FUBP3: variants seen among roughly 807,000 people sequenced by gnomAD.
FUBP3 encodes far upstream element-binding protein 3.
In FUBP3, 28 loss-of-function variants were observed where a neutral mutation model predicts 85.6. The ratio of observed to expected loss-of-function variants is 0.33; its 90% CI spans 0.24 to 0.45. The LOEUF (loss-of-function observed/expected upper bound fraction) is 0.45, where lower values mean the gene tolerates loss of function less well. FUBP3 is among the 20% of genes least tolerant of loss of function. The pLI, the probability that FUBP3 is intolerant of heterozygous loss-of-function variation, is 1.00. For missense variants in FUBP3, 583 were observed against 755.1 expected, an observed-to-expected ratio of 0.77 and a Z score of 2.67; for synonymous variants, 271 against 271.4, an observed-to-expected ratio of 1.00 and a Z score of 0.01.
chr9:130,634,102 C>T (rs543499114), intron 16 of FUBP3, among the ~76,000 whole-genome samples: 1 of 152,346 alleles, frequency 6.6e-6, no homozygotes, highest in Admixed American at 6.5e-5. Context: ...CCAGTCTTCA[C>T]TGCCCACATA....
rs569376024 is a variant in FUBP3, at chr9:130,616,263, G to A, written c.405-92G>A. Reference sequence around the variant, plus strand: ...TGGATGGAGGGCTGCCCTGACTCCCGCAGGTTTTTCCCTCAGTGCTATTTC... The same window carrying A: ...TGGATGGAGGGCTGCCCTGACTCCCACAGGTTTTTCCCTCAGTGCTATTTC... On this transcript the variant is annotated intron_variant, in intron 6 of 18. Coordinates refer to ENST00000319725, the MANE Select transcript of FUBP3 (RefSeq NM_003934.2). This position sits in a 1 kb window ranked among gnomAD's most constrained non-coding sequence, Gnocchi z 4.7. The A allele has an allele frequency of 5.3e-5, 66 of 1,248,320 alleles. No homozygotes were observed. In the South Asian group the frequency reaches 5.5e-4, roughly 10 times the overall value. 77.3% of individuals were successfully genotyped at this position (1,248,320 alleles called of 1,614,324 possible).
In FUBP3 at chr9:130,604,315, G is replaced by A. The variant is rs1467404699; in HGVS notation, c.191-5639G>A. 2.0e-5 allele frequency among the ~76,000 whole-genome samples: 3 copies of A among 152,178 alleles called. No individual in the cohort carries two copies. The South Asian group carries it at 6.2e-4, about 31-fold the overall frequency. ...AGATAAGGAAACCAGTGTCTCTGAA[G>A]AAGTAAGTGGTTTGACCAAGGCCAG... On this transcript the variant is annotated intron_variant, in intron 2 of 18. Coordinates refer to ENST00000319725, the MANE Select transcript of FUBP3 (RefSeq NM_003934.2).
intron 1 of FUBP3, chr9:130,580,806 A>G (rs894052460): frequency 3.9e-5 from 6 of 152,166 alleles, no homozygotes; most frequent in African/African-American, 1.2e-4. Context: ...TGATGCTCCT[A>G]TAGACATTAT....
intron 12 of FUBP3, among the ~76,000 whole-genome samples, chr9:130,630,400 C>G (rs1176672697): frequency 6.6e-6 from 1 of 152,224 alleles, no homozygotes; most frequent in East Asian, 1.9e-4. Context: ...TCAGCTTGGC[C>G]TTGAGAGAAA....
chr9:130,634,539 A>T lies in FUBP3; in HGVS notation c.1511-128A>T. The T allele has an allele frequency of 7.6e-6, 5 of 661,790 alleles. No individual in the cohort carries two copies. The East Asian group carries it at 1.4e-4, about 18-fold the overall frequency. The allele number at this position is 661,790 out of a possible 1,614,324, so 41.0% of individuals were successfully genotyped here. A position where few individuals can be genotyped will look rare whatever the true frequency, so the allele number is the denominator to read the frequency against. ...GCCAGCTGCCACCTCCTTCCCAGGCAGGGCTGCGGAGCCGTGTGTGGCCAG... is the reference window on the plus strand; with the variant it reads ...GCCAGCTGCCACCTCCTTCCCAGGCTGGGCTGCGGAGCCGTGTGTGGCCAG... On this transcript the variant is annotated intron_variant, in intron 16 of 18. Transcript: ENST00000319725.
Position 130,635,876 on chromosome 9 carries a change from C to T in FUBP3, c.1583-123C>T. ...CTGCAACACCAGCCTCACCTCACTGCCTCCCAGACCTCCCTGCCTTCCAGC... is the reference window on the plus strand; with the variant it reads ...CTGCAACACCAGCCTCACCTCACTGTCTCCCAGACCTCCCTGCCTTCCAGC... On this transcript the variant is annotated intron_variant, in intron 17 of 18. Coordinates refer to ENST00000319725, the MANE Select transcript of FUBP3 (RefSeq NM_003934.2). This position sits in a 1 kb window ranked among gnomAD's most constrained non-coding sequence, Gnocchi z 4.3. 1.0e-6 allele frequency: 1 copy of T among 972,918 alleles called. No individual in the cohort carries two copies. Among genetic ancestry groups the T allele is most frequent in the Admixed American group, 2.3e-5 (1 of 44,360 alleles). The allele number at this position is 972,918 out of a possible 1,614,324, so 60.3% of individuals were successfully genotyped here. A position where few individuals can be genotyped will look rare whatever the true frequency, so the allele number is the denominator to read the frequency against.
intron 11 of FUBP3, 22 bp from the exon 12 acceptor site, chr9:130,626,342 T>C: frequency 6.2e-7 from 1 of 1,604,994 alleles, no homozygotes; most frequent in Admixed American, 1.7e-5. Flanking sequence ...CAGAGGTCGC[T>C]ACAGCCCTGT....
Position 130,620,428 on chromosome 9 carries a change from C to T in FUBP3, c.741C>T (p.Phe247=). The T allele has an allele frequency of 6.2e-7, 1 of 1,600,060 alleles. No individual in the cohort carries two copies. The highest frequency in any genetic ancestry group is 2.3e-5 in the East Asian group (1 of 44,382). ...ACTTTCGGGGTGTACGCGGCGATTT[C>T]AACTCTCGAATGGGAGGAGGCAGTA... The part of the protein sequence containing the change: ...QADFRGVRGD[F]NSRMGGGSIE... Residue 247 remains phenylalanine (F), a synonymous_variant, in exon 9 of 19, where the codon TTC becomes TTT. Coordinates refer to ENST00000319725, the MANE Select transcript of FUBP3 (RefSeq NM_003934.2).
chr9:130,632,163 G>A, intron 15 of FUBP3, 39 bp from the exon 16 acceptor site: 1 of 1,552,332 alleles, frequency 6.4e-7, no homozygotes, highest in African/African-American at 1.4e-5. Flanking sequence ...GGGGTGACTT[G>A]CCCCCTATAG....
chr9:130,618,887 A>G (rs1832149615), intron 8 of FUBP3, among the ~76,000 whole-genome samples: 2 of 152,248 alleles, frequency 1.3e-5, no homozygotes, highest in South Asian at 4.1e-4. Flanking sequence ...GAGTGAGGGC[A>G]GTGGTGGGTA....
chr9:130,613,372 G>A (rs1481122718), intron 5 of FUBP3, among the ~76,000 whole-genome samples: 1 of 152,212 alleles, frequency 6.6e-6, no homozygotes, highest in Admixed American at 6.5e-5. Context: ...TGGCTTTGGG[G>A]TCACTCCTTG....
chr9:130,582,165 T>C (rs1388026656), intron 1 of FUBP3: 1 of 152,180 alleles, frequency 6.6e-6, no homozygotes, highest in Non-Finnish European at 1.5e-5. Flanking sequence ...AGAAATGTGA[T>C]CTGGGCAAGT....
rs141781650 is a variant in FUBP3, at chr9:130,588,041, G to A, written c.85-7442G>A. On this transcript the variant is annotated intron_variant, in intron 1 of 18. Coordinates refer to ENST00000319725, the MANE Select transcript of FUBP3 (RefSeq NM_003934.2). Reference sequence around the variant, plus strand: ...AGTAAGCAGGGCAGGATCAGCCGGGGCCCCATCTCTGATGACAACAATAGT... The same window carrying A: ...AGTAAGCAGGGCAGGATCAGCCGGGACCCCATCTCTGATGACAACAATAGT... Among the ~76,000 whole-genome samples, 568 of 152,230 alleles carry A rather than the reference G, an allele frequency of 3.7e-3. 6 individuals carry two copies. Among genetic ancestry groups the A allele is most frequent in the African/African-American group, 0.013 (530 of 41,538 alleles).
At chr9:130,585,137 G>A (rs997699860) in intron 1 of FUBP3, among the ~76,000 whole-genome samples, 5 of 152,166 alleles carry the variant, frequency 3.3e-5, no homozygotes, top group Non-Finnish European at 7.4e-5. Context: ...TCCAGCCTGG[G>A]CGACAAAGTG....
intron 18 of FUBP3, 46 bp from the exon 19 acceptor site, chr9:130,636,968 G>C: frequency 6.3e-7 from 1 of 1,598,314 alleles, no homozygotes; most frequent in Non-Finnish European, 8.6e-7. Flanking sequence ...ACACAGACCT[G>C]AGAACCTGCC....
chr9:130,602,441 G>A (rs1038155435), intron 2 of FUBP3, among the ~76,000 whole-genome samples: 8 of 152,114 alleles, frequency 5.3e-5, no homozygotes, highest in Admixed American at 2.0e-4. Flanking sequence ...AGGAAAAGAC[G>A]TTTGAAAATC....
chr9:130,579,620 G>A lies in FUBP3; in HGVS notation c.-61G>A, dbSNP rs1478094411. 1.9e-6 allele frequency: 2 copies of A among 1,060,824 alleles called. No individual in the cohort carries two copies. The highest frequency in any genetic ancestry group is 2.4e-6 in the Non-Finnish European group (2 of 832,190). The allele number at this position is 1,060,824 out of a possible 1,614,324, so 65.7% of individuals were successfully genotyped here. ...CCCAAGCGGAGCGGGAGGCCGGACC[G>A]GGGAGCCGAGCGGCGGCGTCGGCGG... On this transcript the variant is annotated 5_prime_UTR_variant, in exon 1 of 19. Coordinates refer to ENST00000319725, the MANE Select transcript of FUBP3 (RefSeq NM_003934.2).
intron 6 of FUBP3, among the ~76,000 whole-genome samples, chr9:130,615,300 C>T (rs1330042802): frequency 1.3e-5 from 2 of 152,210 alleles, no homozygotes; most frequent in Admixed American, 6.5e-5. Context: ...ATTCTGTACA[C>T]AAAGGCTCAA....
intron 12 of FUBP3, among the ~76,000 whole-genome samples, chr9:130,627,379 C>T (rs555831588): frequency 6.6e-6 from 1 of 152,336 alleles, no homozygotes; most frequent in Admixed American, 6.5e-5. Context: ...CAGAGTTTCT[C>T]AAATTTCTTT....
Sources: gnomAD v4.1 joint callset for allele counts (sites outside exome capture counted in the v4.1 genomes callset) on GRCh38, gnomAD v4.1.1 for gene constraint, Gnocchi (gnomAD v3.1) non-coding constraint, MANE v1.5 for transcripts, NCBI Gene and HGNC (gene_info 2026-07-23, HGNC 2026-07-21) for gene names.